The following RALA variants were observed in gnomAD, a reference collection of about 807,000 sequenced individuals.
RALA encodes RAS like proto-oncogene A.
A neutral mutation model predicts 24.0 loss-of-function variants in RALA; 5 were observed. The observed-to-expected ratio is 0.21, with a 90% CI of 0.11 to 0.44. The LOEUF is 0.44. RALA is among the 20% of genes least tolerant of loss of function. The pLI is 0.99. For missense variants in RALA, 95 were observed against 241.2 expected, an observed-to-expected ratio of 0.39 and a Z score of 4.01; for synonymous variants, 77 against 83.8, an observed-to-expected ratio of 0.92 and a Z score of 0.44.
intron 1 of RALA, among the ~76,000 whole-genome samples, chr7:39,642,116 C>T (rs1180154558): frequency 3.3e-5 from 5 of 152,172 alleles, no homozygotes; most frequent in East Asian, 1.9e-4. Context: ...TTGGGACAAC[C>T]GCTGTAACAA....
chr7:39,692,219 G>T (rs924665087), intron 3 of RALA, among the ~76,000 whole-genome samples: 3 of 152,188 alleles, frequency 2.0e-5, no homozygotes, highest in South Asian at 2.1e-4. Context: ...AGCCTTCCTG[G>T]TCATCTCTGT....
Position 39,707,320 on chromosome 7 carries a change from ATGCT to A in RALA, c.*1079_*1082del, listed in dbSNP as rs1474011094. ...ACTAGAACGCTTCGGGAAAATATTC[ATGCT>A]TGCCATCTGTTCATTTCTAAATTTA... On this transcript the variant is annotated 3_prime_UTR_variant, in exon 5 of 5. Transcript: ENST00000005257. 2 of 152,230 alleles carry A rather than the reference ATGCT, an allele frequency of 1.3e-5. No homozygotes were observed. The highest frequency in any genetic ancestry group is 4.8e-5 in the African/African-American group (2 of 41,450). 9.4% of individuals were successfully genotyped at this position (152,230 alleles called of 1,614,324 possible). A position where few individuals can be genotyped will look rare whatever the true frequency, so the allele number is the denominator to read the frequency against.
chr7:39,657,108 A>C (rs2115984445), intron 1 of RALA, among the ~76,000 whole-genome samples: 1 of 152,200 alleles, frequency 6.6e-6, no homozygotes, highest in South Asian at 2.1e-4. Flanking sequence ...CTGGGATTAC[A>C]GGCACCTGCC....
At chr7:39,698,256 A>G (rs1361166441) in intron 4 of RALA, among the ~76,000 whole-genome samples, 4 of 152,148 alleles carry the variant, frequency 2.6e-5, no homozygotes, top group African/African-American at 7.2e-5. Flanking sequence ...CACATAAGGA[A>G]TTCGGGTTTC....
rs79560711 is a variant in RALA, at chr7:39,634,994, T to G, written c.-38+11169T>G. On this transcript the variant is annotated intron_variant, in intron 1 of 4. Transcript: ENST00000005257. The stretch of plus-strand genomic sequence containing the variant: ...TATTTTTCTGTAGTGAGGACTTGAA[T>G]CTTCTTTATAATAACAGATTTATTG... Among the ~76,000 whole-genome samples the G allele has an allele frequency of 1.8e-3, 272 of 152,316 alleles. 2 individuals carry two copies. The East Asian group carries it at 0.032, about 18-fold the overall frequency.
chr7:39,655,045 A>G lies in RALA; in HGVS notation c.-38+31220A>G, dbSNP rs191157481. 2.4e-3 allele frequency among the ~76,000 whole-genome samples: 368 copies of G among 152,312 alleles called. 2 individuals carry two copies. Among genetic ancestry groups the G allele is most frequent in the African/African-American group, 8.6e-3 (358 of 41,568 alleles). On this transcript the variant is annotated intron_variant, in intron 1 of 4. Transcript: ENST00000005257. Reference sequence around the variant, plus strand: ...ATTATAGTCATGAGCCACCACGCCCAGCCTCTAAATTCTTTTTTTGCAATT... The same window carrying G: ...ATTATAGTCATGAGCCACCACGCCCGGCCTCTAAATTCTTTTTTTGCAATT...
chr7:39,670,816 G>A (rs1321958574), intron 1 of RALA, among the ~76,000 whole-genome samples: 1 of 152,120 alleles, frequency 6.6e-6, no homozygotes, highest in East Asian at 1.9e-4. Flanking sequence ...GCTGGGGTAA[G>A]AAAACTGCTT....
intron 1 of RALA, among the ~76,000 whole-genome samples, chr7:39,644,897 T>G (rs1212593421): frequency 6.6e-6 from 1 of 152,240 alleles, no homozygotes; most frequent in Admixed American, 6.5e-5. Flanking sequence ...ATGCCTTTAG[T>G]GAAATTTTAG....
chr7:39,680,495 G>C (rs1290321434), intron 1 of RALA, among the ~76,000 whole-genome samples: 1 of 151,304 alleles, frequency 6.6e-6, no homozygotes, highest in Non-Finnish European at 1.5e-5. Context: ...AGAATCACAT[G>C]AACCCAGGAG....
chr7:39,637,330 G>C (rs1379413577), intron 1 of RALA, among the ~76,000 whole-genome samples: 3 of 152,024 alleles, frequency 2.0e-5, no homozygotes, highest in Non-Finnish European at 4.4e-5. Context: ...ATCCTTGTTT[G>C]ATCTTTATTA....
chr7:39,650,962 G>T (rs571037871), intron 1 of RALA, among the ~76,000 whole-genome samples: 2 of 152,322 alleles, frequency 1.3e-5, no homozygotes, highest in East Asian at 3.9e-4. Flanking sequence ...CCTGTAGAAA[G>T]TAATGAGACA....
At chr7:39,698,699 A>T (rs1323702337) in intron 4 of RALA, among the ~76,000 whole-genome samples, 1 of 152,156 alleles carries the variant, frequency 6.6e-6, no homozygotes, top group Non-Finnish European at 1.5e-5. Flanking sequence ...TGGGGAAGAG[A>T]TGCAGACACT....
intron 1 of RALA, among the ~76,000 whole-genome samples, chr7:39,667,813 ACT>A (rs1238238500): frequency 6.6e-5 from 10 of 152,126 alleles, no homozygotes; most frequent in African/African-American, 2.4e-4. Context: ...CCCAGGGTAA[ACT>A]CTATTCTTTT....
At chr7:39,641,350 A>G (rs1791813438) in intron 1 of RALA, among the ~76,000 whole-genome samples, 2 of 152,232 alleles carry the variant, frequency 1.3e-5, no homozygotes, top group African/African-American at 2.4e-5. Context: ...TGAAACAAAC[A>G]TATATGATAC....
At chr7:39,659,890 T>C (rs1792157501) in intron 1 of RALA, among the ~76,000 whole-genome samples, 1 of 152,150 alleles carries the variant, frequency 6.6e-6, no homozygotes, top group African/African-American at 2.4e-5. Context: ...CAGATAAGTT[T>C]AGTGTGGCTC....
chr7:39,667,090 T>C (rs147446226), intron 1 of RALA, among the ~76,000 whole-genome samples: 2 of 152,332 alleles, frequency 1.3e-5, no homozygotes, highest in African/African-American at 4.8e-5. Context: ...CTTAAACTTT[T>C]GTGTTTATTT....
At chr7:39,681,302 C>CTTTTTTTTTTTTTTTTTTTTTT (rs70996832) in intron 1 of RALA, among the ~76,000 whole-genome samples, 2 of 50,048 alleles carry the variant, frequency 4.0e-5, no homozygotes, top group African/African-American at 7.9e-5. Context: ...CACCCTATTC[C>CTTTTTTTTTTTTTTTTTTTTTT]TTTTTTTTTT....
At chr7:39,685,506 A>G (rs1792682628) in intron 1 of RALA, among the ~76,000 whole-genome samples, 1 of 152,044 alleles carries the variant, frequency 6.6e-6, no homozygotes, top group South Asian at 2.1e-4. Flanking sequence ...CTTTGCTTGG[A>G]TCTCCACACA....
At chr7:39,653,649 C>CTATATATATGTTATATGAGAAT (rs1324048251) in intron 1 of RALA, among the ~76,000 whole-genome samples, 33 of 152,218 alleles carry the variant, frequency 2.2e-4, no homozygotes, top group African/African-American at 7.7e-4. Flanking sequence ...GAAGTGTCAC[C>CTATATATATGTTATATGAGAAT]TCAGCTCAGC....
Sources: allele counts gnomAD v4.1 joint callset (sites outside exome capture counted in the v4.1 genomes callset), GRCh38; gene constraint gnomAD v4.1.1; transcripts MANE v1.5; gene names NCBI Gene and HGNC (gene_info 2026-07-23, HGNC 2026-07-21).